The following TP73 variants were observed in gnomAD, a reference collection of about 807,000 sequenced individuals.
TP73 encodes tumor protein p73, also known as p53-like transcription factor.
Under a neutral mutation model 62.5 loss-of-function variants are expected in TP73, and 25 were observed. The observed-to-expected ratio is 0.40, with a 90% CI of 0.29 to 0.56. The LOEUF (loss-of-function observed/expected upper bound fraction) is 0.56. Ranked by LOEUF, TP73 falls within the 20% of genes least tolerant of loss-of-function variation. The pLI, the probability that TP73 is intolerant of heterozygous loss-of-function variation, is 0.46. For synonymous variants in TP73, 423 were observed against 377.5 expected, an observed-to-expected ratio of 1.12 and a Z score of -1.40; for missense variants, 754 against 913.3, an observed-to-expected ratio of 0.83 and a Z score of 2.25.
intron 4 of TP73, among the ~76,000 whole-genome samples, chr1:3,721,763 G>A (rs116056531): frequency 0.01 from 1,595 of 152,236 alleles, 31 homozygotes; most frequent in African/African-American, 0.035. Context: ...GACTGCCACC[G>A]GCACTCACAC....
At position 3,670,459 on chromosome 1, in the gene TP73, G is replaced by A. The variant is rs1185761286; in HGVS notation, c.-33-11874G>A. Among the ~76,000 whole-genome samples the A allele has an allele frequency of 6.6e-6, 1 of 152,134 alleles. No homozygotes were observed. The highest frequency in any genetic ancestry group is 1.5e-5 in the Non-Finnish European group (1 of 68,024). The stretch of plus-strand genomic sequence containing the variant: ...GCGGGTGGATCAACAGAGGTCAGGA[G>A]TTCGAGAGCAACCTGGCCAACATGG... On this transcript the variant is annotated intron_variant, in intron 1 of 13. Transcript: ENST00000378295. The surrounding 1 kb of genome is among the most constrained non-coding windows in gnomAD (Gnocchi z 5.9).
At chr1:3,729,481 G>T in intron 10 of TP73, 33 bp downstream of exon 10, 1 of 1,611,786 alleles carries the variant, frequency 6.2e-7, no homozygotes, top group Non-Finnish European at 8.5e-7. Context: ...TCAGTGTGGG[G>T]AAGGAGGACA....
At chr1:3,702,912 G>C (rs1025107434) in intron 3 of TP73, among the ~76,000 whole-genome samples, 1 of 152,232 alleles carries the variant, frequency 6.6e-6, no homozygotes, top group African/African-American at 2.4e-5. Flanking sequence ...CCGGGCTCCT[G>C]TGCAGGCCTG....
intron 3 of TP73, 136 bp from the exon 4 acceptor site, chr1:3,707,413 G>T: frequency 7.9e-7 from 1 of 1,269,306 alleles, no homozygotes; most frequent in Non-Finnish European, 1.1e-6. Context: ...TTGGGATGGG[G>T]GAGAGACCCG....
intron 3 of TP73, among the ~76,000 whole-genome samples, chr1:3,702,218 C>T (rs1252832208): frequency 1.3e-5 from 2 of 152,184 alleles, no homozygotes; most frequent in East Asian, 3.9e-4. Flanking sequence ...GCCTCCCCCA[C>T]ACTGCTCCTC....
intron 3 of TP73, among the ~76,000 whole-genome samples, chr1:3,693,589 G>A (rs1001422812): frequency 1.1e-4 from 16 of 152,132 alleles, no homozygotes; most frequent in African/African-American, 3.9e-4. Flanking sequence ...CACCGTAGCT[G>A]CTCGGCTGCG....
intron 3 of TP73, among the ~76,000 whole-genome samples, chr1:3,684,435 T>C (rs747201704): frequency 6.6e-6 from 1 of 152,158 alleles, no homozygotes; most frequent in Non-Finnish European, 1.5e-5. Context: ...CAAGTCCCCA[T>C]TCCAGGAGCT....
intron 3 of TP73, among the ~76,000 whole-genome samples, chr1:3,694,794 G>T (rs113030495): frequency 1.3e-5 from 1 of 79,216 alleles, no homozygotes; most frequent in South Asian, 4.7e-4. Context: ...CAGCCATGCA[G>T]CCTCAGACCC....
intron 5 of TP73, among the ~76,000 whole-genome samples, chr1:3,722,952 C>T (rs559422033): frequency 6.8e-6 from 1 of 148,010 alleles, no homozygotes; most frequent in African/African-American, 2.5e-5. Flanking sequence ...CTGGACACCT[C>T]TCTGTGCCTG....
chr1:3,720,336 G>A (rs993856553), intron 4 of TP73, among the ~76,000 whole-genome samples: 1 of 152,256 alleles, frequency 6.6e-6, no homozygotes, highest in Non-Finnish European at 1.5e-5. Flanking sequence ...CTGTGCCCAA[G>A]GTGGGGGTCG....
intron 4 of TP73, among the ~76,000 whole-genome samples, chr1:3,710,700 G>A (rs1205415861): frequency 6.6e-6 from 1 of 152,224 alleles, no homozygotes; most frequent in Non-Finnish European, 1.5e-5. Context: ...TGGAGGCTGC[G>A]GTTCACAGGT....
At chr1:3,653,159 G>A (rs1644793694) in intron 1 of TP73, among the ~76,000 whole-genome samples, 1 of 152,282 alleles carries the variant, frequency 6.6e-6, no homozygotes, top group Admixed American at 6.5e-5. Flanking sequence ...AAGGATCTGG[G>A]CGGGGGCCTT....
chr1:3,731,156 T>C, intron 12 of TP73, 91 bp downstream of exon 12: 1 of 1,517,346 alleles, frequency 6.6e-7, no homozygotes, highest in Admixed American at 2.0e-5. Context: ...TGCCCCACCC[T>C]GTGTGCTCAC....
intron 3 of TP73, among the ~76,000 whole-genome samples, chr1:3,707,209 G>A (rs1639731731): frequency 6.6e-6 from 1 of 152,162 alleles, no homozygotes; most frequent in Admixed American, 6.5e-5. Context: ...GCCGCCCGGA[G>A]GGTACAGTGA....
rs1183784126 is a variant in TP73, at chr1:3,666,239, G to A, written c.-34+13598G>A. ...GCTGACCACAGCCTCCAACTGCTGGGCTCAGGCCATCCTCTTGCCTGTGTC... is the reference window on the plus strand; with the variant it reads ...GCTGACCACAGCCTCCAACTGCTGGACTCAGGCCATCCTCTTGCCTGTGTC... On this transcript the variant is annotated intron_variant, in intron 1 of 13. Transcript: ENST00000378295. This position sits in a 1 kb window ranked among gnomAD's most constrained non-coding sequence, Gnocchi z 6.4. 6.6e-6 allele frequency among the ~76,000 whole-genome samples: 1 copy of A among 151,896 alleles called. No individual in the cohort carries two copies. The highest frequency in any genetic ancestry group is 1.5e-5 in the Non-Finnish European group (1 of 68,012).
chr1:3,707,617 C>T lies in TP73; in HGVS notation c.255C>T (p.Tyr85=). Residue 85 remains tyrosine (Y), a synonymous_variant, in exon 4 of 14, where the codon TAC becomes TAT. Transcript: ENST00000378295. The stretch of plus-strand genomic sequence containing the variant: ...GCCGCGCGGCCTCGGCCAGCCCCTA[C>T]ACCCCAGAGCACGCCGCCAGCGTGC... The part of the protein sequence containing the change: ...MSSRAASASP[Y]TPEHAASVPT... 6.2e-7 allele frequency: 1 copy of T among 1,612,914 alleles called. No homozygotes were observed. Among genetic ancestry groups the T allele is most frequent in the Non-Finnish European group, 8.5e-7 (1 of 1,179,938 alleles).
At chr1:3,658,770 C>T (rs544751885) in intron 1 of TP73, among the ~76,000 whole-genome samples, 5 of 150,976 alleles carry the variant, frequency 3.3e-5, no homozygotes, top group South Asian at 2.1e-4. Flanking sequence ...TTTGGGGTGA[C>T]GTATTCTGGT....
At chr1:3,728,062 CT>C in intron 8 of TP73, 66 bp from the exon 9 acceptor site, 1 of 1,486,594 alleles carries the variant, frequency 6.7e-7, no homozygotes, top group Non-Finnish European at 9.1e-7. Flanking sequence ...GGTCTCCCTC[CT>C]CCCGGAAGGA....
chr1:3,662,680 C>T lies in TP73; in HGVS notation c.-34+10039C>T, dbSNP rs1645022960. ...GGCATGTTTGGGGTGGCACATTCTG[C>T]CCCCTCAAGCCATGTTTTGGGGTGG... On this transcript the variant is annotated intron_variant, in intron 1 of 13. Coordinates refer to ENST00000378295, the MANE Select transcript of TP73 (RefSeq NM_005427.4). This position sits in a 1 kb window ranked among gnomAD's most constrained non-coding sequence, Gnocchi z 4.4. 1.3e-5 allele frequency among the ~76,000 whole-genome samples: 2 copies of T among 152,218 alleles called. No individual in the cohort carries two copies. The highest frequency in any genetic ancestry group is 2.9e-5 in the Non-Finnish European group (2 of 68,038).
Sources: gnomAD v4.1 joint callset for allele counts (sites outside exome capture counted in the v4.1 genomes callset) on GRCh38, gnomAD v4.1.1 for gene constraint, Gnocchi (gnomAD v3.1) non-coding constraint, MANE v1.5 for transcripts, NCBI Gene and HGNC (gene_info 2026-07-23, HGNC 2026-07-21) for gene names.